The following FRMD5 variants were observed in gnomAD, a reference collection of about 807,000 sequenced individuals.
FRMD5 encodes the protein FERM domain-containing protein 5.
FRMD5 carries 20 observed loss-of-function variants against 69.0 expected under a neutral mutation model. That is an observed-to-expected ratio of 0.29 (90% CI 0.20 to 0.42). The LOEUF is 0.42. FRMD5 is among the 10% of genes least tolerant of loss of function. The pLI, the probability that FRMD5 is intolerant of heterozygous loss-of-function variation, is 1.00. For synonymous variants in FRMD5, 271 were observed against 260.1 expected (o/e 1.04, Z -0.40); for missense variants, 595 against 708.6 (o/e 0.84, Z 1.82).
At chr15:44,032,558 C>G (rs1248972987) in intron 1 of FRMD5, among the ~76,000 whole-genome samples, 1 of 152,124 alleles carries the variant, frequency 6.6e-6, no homozygotes, top group Non-Finnish European at 1.5e-5. Flanking sequence ...ACAGACACTT[C>G]TCAAAAGAAG....
At chr15:44,166,867 C>T (rs774092656) in intron 1 of FRMD5, among the ~76,000 whole-genome samples, 6 of 151,436 alleles carry the variant, frequency 4.0e-5, no homozygotes, top group Admixed American at 6.6e-5. Flanking sequence ...CCAGTAACTC[C>T]GAATACTGCT....
At chr15:44,131,316 T>G (rs143227687) in intron 1 of FRMD5, among the ~76,000 whole-genome samples, 45 of 152,186 alleles carry the variant, frequency 3.0e-4, no homozygotes, top group South Asian at 6.2e-4. Flanking sequence ...TTGGTGAGGA[T>G]ATGGAGAAAA....
intron 1 of FRMD5, among the ~76,000 whole-genome samples, chr15:44,003,161 C>G (rs1890287332): frequency 6.6e-6 from 1 of 152,170 alleles, no homozygotes. Flanking sequence ...ACACATCTAT[C>G]TAATCTGTCA....
intron 1 of FRMD5, among the ~76,000 whole-genome samples, chr15:44,029,740 A>G (rs1891596184): frequency 2.6e-5 from 4 of 152,224 alleles, no homozygotes; most frequent in Admixed American, 2.6e-4. Flanking sequence ...AAAATTACCT[A>G]TCAGGCTTTA....
At chr15:44,012,433 G>A (rs1410988555) in intron 1 of FRMD5, among the ~76,000 whole-genome samples, 2 of 152,154 alleles carry the variant, frequency 1.3e-5, no homozygotes, top group Non-Finnish European at 2.9e-5. Flanking sequence ...GCCATTTCAA[G>A]TCTATAGTAG....
intron 1 of FRMD5, among the ~76,000 whole-genome samples, chr15:43,948,339 G>GGA (rs1371815916): frequency 6.6e-6 from 1 of 152,138 alleles, no homozygotes; most frequent in Non-Finnish European, 1.5e-5. Flanking sequence ...GTAGAAGTCT[G>GGA]GAGTCCTCTT....
intron 1 of FRMD5, among the ~76,000 whole-genome samples, chr15:43,998,790 T>A (rs1890052392): frequency 6.6e-6 from 1 of 152,110 alleles, no homozygotes; most frequent in African/African-American, 2.4e-5. Flanking sequence ...CATCAGGAAG[T>A]TCAGTATGAT....
chr15:44,101,084 G>A (rs1482817044), intron 1 of FRMD5, among the ~76,000 whole-genome samples: 2 of 151,790 alleles, frequency 1.3e-5, no homozygotes, highest in African/African-American at 4.8e-5. Context: ...AGGAGGCGGA[G>A]GTTGCAGTGA....
chr15:44,163,964 A>T (rs1052321861), intron 1 of FRMD5, among the ~76,000 whole-genome samples: 2 of 152,190 alleles, frequency 1.3e-5, no homozygotes, highest in Non-Finnish European at 2.9e-5. Flanking sequence ...TTAACTTTAC[A>T]TTCTCTGTCT....
At chr15:44,065,546 G>A (rs1893273766) in intron 1 of FRMD5, among the ~76,000 whole-genome samples, 2 of 152,058 alleles carry the variant, frequency 1.3e-5, no homozygotes. Context: ...TATGATGGAG[G>A]TTGAGTACGA....
At chr15:44,095,825 A>G (rs551569705) in intron 1 of FRMD5, among the ~76,000 whole-genome samples, 13 of 152,258 alleles carry the variant, frequency 8.5e-5, no homozygotes, top group African/African-American at 2.9e-4. Context: ...GCTGCACTCA[A>G]AGGCATGCCT....
intron 1 of FRMD5, among the ~76,000 whole-genome samples, chr15:44,133,859 T>G (rs2077142029): frequency 6.6e-6 from 1 of 152,014 alleles, no homozygotes; most frequent in Admixed American, 6.5e-5. Flanking sequence ...TTAAAGTTTT[T>G]AATAATAGAT....
intron 6 of FRMD5, among the ~76,000 whole-genome samples, chr15:43,905,417 G>A (rs753836780): frequency 2.0e-5 from 3 of 152,076 alleles, no homozygotes; most frequent in African/African-American, 2.4e-5. Flanking sequence ...GATTACAGCC[G>A]TAAGCCACCG....
At chr15:44,148,259 G>A (rs2077386087) in intron 1 of FRMD5, among the ~76,000 whole-genome samples, 1 of 151,774 alleles carries the variant, frequency 6.6e-6, no homozygotes. Context: ...TTGCTTTCTT[G>A]TGCTTCACAG....
intron 13 of FRMD5, chr15:43,876,183 C>G (rs559155917): frequency 3.1e-6 from 5 of 1,598,826 alleles, no homozygotes; most frequent in Non-Finnish European, 4.3e-6. Flanking sequence ...AGCACTGTCA[C>G]TCCCAGAGGC....
intron 4 of FRMD5, among the ~76,000 whole-genome samples, chr15:43,911,784 C>A (rs1029738142): frequency 6.6e-6 from 1 of 152,182 alleles, no homozygotes. Context: ...TCCATTGTTT[C>A]TGTTTTCGGG....
chr15:44,169,455 G>A (rs1274439529), intron 1 of FRMD5, among the ~76,000 whole-genome samples: 2 of 152,148 alleles, frequency 1.3e-5, no homozygotes, highest in Non-Finnish European at 2.9e-5. Flanking sequence ...TGGAAAGGGA[G>A]TAGAGAGAAG....
chr15:44,113,224 A>G (rs1842260212), intron 1 of FRMD5, among the ~76,000 whole-genome samples: 1 of 152,230 alleles, frequency 6.6e-6, no homozygotes, highest in African/African-American at 2.4e-5. Flanking sequence ...GAGCAAAGAA[A>G]GAAATTTCAA....
chr15:44,149,050 A>C (rs2077403241), intron 1 of FRMD5, among the ~76,000 whole-genome samples: 1 of 152,186 alleles, frequency 6.6e-6, no homozygotes, highest in Non-Finnish European at 1.5e-5. Flanking sequence ...ATAATTTAAG[A>C]GACTCATGTA....
Sources: allele counts gnomAD v4.1 joint callset (sites outside exome capture counted in the v4.1 genomes callset), GRCh38; gene constraint gnomAD v4.1.1; transcripts MANE v1.5; gene names NCBI Gene and HGNC (gene_info 2026-07-23, HGNC 2026-07-21).